Variants in CUL3 observed in about 807,000 individuals in gnomAD.
The protein encoded by CUL3 is cullin-3.
A neutral mutation model predicts 89.1 loss-of-function variants in CUL3; 19 were observed. That is an observed-to-expected ratio of 0.21 (90% confidence interval 0.15 to 0.31). The LOEUF is 0.31. Ranked by LOEUF, CUL3 falls within the 10% of genes least tolerant of loss-of-function variation. The pLI is 1.00. For missense variants in CUL3, 469 were observed against 942.3 expected (o/e 0.50, Z 6.58); for synonymous variants, 351 against 308.4 (o/e 1.14, Z -1.45).
At position 224,497,846 on chromosome 2, in the gene CUL3, G is replaced by C; in HGVS notation, c.1614C>G (p.Phe538Leu). The change falls in exon 12 of 16, where the codon TTC becomes TTG. Residue 538 changes from phenylalanine to leucine, a missense_variant. Physicochemically the swap from Phe to Leu is conservative, Grantham distance 22 (BLOSUM62 0). This residue lies in a region of CUL3 where 370 missense variants were observed against 733.2 expected (regional missense o/e 0.50). Transcript: ENST00000264414. ...PRHAFEIFRRFYLAKHSGRQL... is the reference protein window; with the variant it reads ...PRHAFEIFRRLYLAKHSGRQL... ...GTCGACCACTGTGTTTGGCTAAGTA[G>C]AACCTTCAGTAAATCAAACCAGGTT... 1.9e-6 allele frequency: 3 copies of C among 1,612,626 alleles called. No homozygotes were observed. Among genetic ancestry groups the C allele is most frequent in the Non-Finnish European group, 2.5e-6 (3 of 1,178,776 alleles).
chr2:224,557,903 A>C (rs1694772055), intron 1 of CUL3, 47 bp from the exon 2 acceptor site: 1 of 1,089,270 alleles, frequency 9.2e-7, no homozygotes. Flanking sequence ...AAAAAAAAAA[A>C]AACCAATGGT....
chr2:224,545,009 C>T lies in CUL3; in HGVS notation c.265-9368G>A, dbSNP rs192381270. ...CTGAATGACTGGAAGGAACTCTTAC[C>T]TCATATTTTGAGGAATTCTTAATGC... is the stretch of plus-strand genomic sequence containing the variant. On this transcript the variant is annotated intron_variant, in intron 2 of 15. Transcript: ENST00000264414. Among the ~76,000 whole-genome samples, 471 of 152,146 alleles carry T rather than the reference C, an allele frequency of 3.1e-3. 2 individuals carry two copies. The highest frequency in any genetic ancestry group is 0.01 in the African/African-American group (431 of 41,526).
intron 2 of CUL3, among the ~76,000 whole-genome samples, chr2:224,537,173 T>C (rs1176931487): frequency 6.6e-6 from 1 of 152,166 alleles, no homozygotes; most frequent in Non-Finnish European, 1.5e-5. Flanking sequence ...TAAAATGCCA[T>C]TCTGTATCAG....
At position 224,514,524 on chromosome 2, in the gene CUL3, ATTTAT is replaced by A. The variant is rs1470052995; in HGVS notation, c.539+83_539+87del. The A allele has an allele frequency of 5.9e-5, 68 of 1,158,466 alleles. 1 individual carries two copies. Among genetic ancestry groups the A allele is most frequent in the South Asian group, 2.1e-4 (11 of 51,870 alleles). The allele number at this position is 1,158,466 out of a possible 1,614,324, so 71.8% of individuals were successfully genotyped here. ...CAATGTGCTCAACATTCAAACTTTT[ATTTAT>A]TTTAATAAAACTAAGACAGTGAATC... On this transcript the variant is annotated intron_variant, in intron 4 of 15. Transcript: ENST00000264414.
At chr2:224,518,211 A>G (rs1294296722) in intron 3 of CUL3, among the ~76,000 whole-genome samples, 4 of 152,220 alleles carry the variant, frequency 2.6e-5, no homozygotes, top group Non-Finnish European at 4.4e-5. Flanking sequence ...GTCATTTCAT[A>G]TAATTATCCT....
At chr2:224,584,857 CTGTTGGGGGA>C in intron 1 of CUL3, 77 bp downstream of exon 1, 4 of 1,020,454 alleles carry the variant, frequency 3.9e-6, no homozygotes, top group Non-Finnish European at 5.3e-6. Flanking sequence ...GGCCTGCGGC[CTGTTGGGGGA>C]CTTCAGCCCG....
intron 1 of CUL3, among the ~76,000 whole-genome samples, chr2:224,571,545 T>C (rs1260017603): frequency 6.6e-6 from 1 of 152,168 alleles, no homozygotes; most frequent in Non-Finnish European, 1.5e-5. Context: ...CTTTGAATGA[T>C]TCTAACTGTA....
At chr2:224,500,649 CAG>C (rs1208879360) in intron 10 of CUL3, among the ~76,000 whole-genome samples, 162 bp from the exon 11 acceptor site, 2 of 128,940 alleles carry the variant, frequency 1.6e-5, no homozygotes, top group Non-Finnish European at 3.2e-5. Context: ...TTTTTTGAGA[CAG>C]AGTTTCGCTC....
intron 13 of CUL3, among the ~76,000 whole-genome samples, chr2:224,492,293 C>T (rs750393788): frequency 1.3e-4 from 20 of 152,114 alleles, no homozygotes; most frequent in Non-Finnish European, 7.4e-5. Context: ...CCATGATTCT[C>T]GAGTTGTCTA....
chr2:224,568,949 G>A (rs1695113745), intron 1 of CUL3, among the ~76,000 whole-genome samples: 1 of 152,118 alleles, frequency 6.6e-6, no homozygotes, highest in South Asian at 2.1e-4. Flanking sequence ...CCCTGACACA[G>A]AAGCAACATT....
At chr2:224,476,381 A>C (rs1240038210) in intron 15 of CUL3, among the ~76,000 whole-genome samples, 1 of 152,186 alleles carries the variant, frequency 6.6e-6, no homozygotes, top group Non-Finnish European at 1.5e-5. Flanking sequence ...AACATCTGCC[A>C]ATCTCTGGTG....
chr2:224,512,048 T>C (rs1692845475), intron 5 of CUL3, among the ~76,000 whole-genome samples: 1 of 152,298 alleles, frequency 6.6e-6, no homozygotes, highest in Admixed American at 6.5e-5. Flanking sequence ...AGAGTAAACA[T>C]GTACACTAAA....
chr2:224,567,216 CTT>C (rs903476461), intron 1 of CUL3, among the ~76,000 whole-genome samples: 5 of 152,120 alleles, frequency 3.3e-5, no homozygotes, highest in Non-Finnish European at 7.4e-5. Flanking sequence ...GTGTTTTTCT[CTT>C]TGTTTTCGTT....
intron 3 of CUL3, among the ~76,000 whole-genome samples, chr2:224,527,853 C>T (rs1483081889): frequency 1.3e-5 from 2 of 152,170 alleles, no homozygotes; most frequent in East Asian, 3.8e-4. Context: ...ATTTCAAAAA[C>T]GCTACTATCT....
intron 4 of CUL3, 67 bp from the exon 5 acceptor site, chr2:224,513,705 A>T: frequency 8.9e-7 from 1 of 1,118,054 alleles, no homozygotes; most frequent in South Asian, 1.5e-5. Flanking sequence ...AAAATTACAA[A>T]AAGGAGTAGG....
intron 3 of CUL3, among the ~76,000 whole-genome samples, chr2:224,515,236 T>C (rs1346544032): frequency 6.6e-6 from 1 of 152,224 alleles, no homozygotes; most frequent in Non-Finnish European, 1.5e-5. Context: ...CTTTAATGCA[T>C]AAAATAGAGC....
At chr2:224,517,103 A>G (rs1693082360) in intron 3 of CUL3, among the ~76,000 whole-genome samples, 1 of 152,228 alleles carries the variant, frequency 6.6e-6, no homozygotes, top group East Asian at 1.9e-4. Flanking sequence ...TATAAAAATA[A>G]TCACTATTAT....
chr2:224,506,111 T>A lies in CUL3; in HGVS notation c.1051A>T (p.Arg351Trp), dbSNP rs2106203773. The part of the protein sequence containing the change: ...YIQGLLDLKS[R>W]FDRFLLESFN... ...GATTCCAGGAGGAAGCGATCGAACCTACTCTTCAGATCCAATAAGCCCTTA... is the reference window on the plus strand; with the variant it reads ...GATTCCAGGAGGAAGCGATCGAACCAACTCTTCAGATCCAATAAGCCCTTA... Residue 351 changes from arginine to tryptophan, a missense_variant, in exon 8 of 16, where the codon AGG (arginine) becomes TGG (tryptophan). Physicochemically the swap from Arg to Trp is moderately radical, Grantham distance 101. This residue lies in a region of CUL3 where 370 missense variants were observed against 733.2 expected (regional missense o/e 0.50). Transcript: ENST00000264414. 6.2e-7 allele frequency: 1 copy of A among 1,601,844 alleles called. No individual in the cohort carries two copies.
intron 10 of CUL3, 140 bp from the exon 11 acceptor site, chr2:224,500,627 C>CTTTTT (rs11350781): frequency 4.3e-5 from 17 of 396,338 alleles, no homozygotes; most frequent in Middle Eastern, 8.4e-4. Flanking sequence ...ATTTTCTTTT[C>CTTTTT]TTTTTTTTTT....
Sources: allele counts gnomAD v4.1 joint callset (sites outside exome capture counted in the v4.1 genomes callset), GRCh38; gene constraint gnomAD v4.1.1; regional missense constraint gnomAD v4.1.1; transcripts MANE v1.5; gene names NCBI Gene and HGNC (gene_info 2026-07-23, HGNC 2026-07-21).